The following BLOC1S1 variants were observed in gnomAD, a reference collection of about 807,000 sequenced individuals.
The protein encoded by BLOC1S1 is biogenesis of lysosome-related organelles complex 1 subunit 1.
A neutral mutation model predicts 19.0 loss-of-function variants in BLOC1S1; 11 were observed. The ratio of observed to expected loss-of-function variants is 0.58; its 90% CI spans 0.37 to 0.96. The LOEUF is 0.96. Ranked by LOEUF, BLOC1S1 falls within the 40% of genes least tolerant of loss-of-function variation. The pLI, the probability that BLOC1S1 is intolerant of heterozygous loss-of-function variation, is 0.01. For synonymous variants in BLOC1S1, 94 were observed against 76.4 expected (o/e 1.23, Z -1.20); for missense variants, 220 against 195.9 (o/e 1.12, Z -0.73).
At chr12:55,716,768 A>G (rs1876576438) in intron 1 of BLOC1S1, 165 bp from the exon 2 acceptor site, 14 of 1,271,986 alleles carry the variant, frequency 1.1e-5, no homozygotes, top group Non-Finnish European at 1.4e-5. Context: ...CTAAAATGAA[A>G]GAGGTTGCGC....
Position 55,719,095 on chromosome 12 carries a change from G to A in BLOC1S1, c.223G>A (p.Ala75Thr). 1.9e-6 allele frequency: 3 copies of A among 1,613,794 alleles called. No individual in the cohort carries two copies. The highest frequency in any genetic ancestry group is 2.5e-6 in the Non-Finnish European group (3 of 1,179,924). ...ALVDHLNVGV[A>T]QAYMNQRKLD... ...CTCCCTCCTCCAACCCCCCAGTGTG[G>A]CCCAGGCCTACATGAACCAGAGAAA... The change falls in exon 3 of 4, where the codon GCC becomes ACC. Residue 75 changes from alanine to threonine, a missense_variant. Ala to Thr is a moderately conservative substitution (Grantham distance 58, BLOSUM62 0). Coordinates refer to ENST00000548925, the MANE Select transcript of BLOC1S1 (RefSeq NM_001487.4).
Position 55,716,088 on chromosome 12 carries a change from C to T in BLOC1S1, c.37C>T (p.Arg13Trp), listed in dbSNP as rs533860678. 10 of 1,583,888 alleles carry T rather than the reference C, an allele frequency of 6.3e-6. No individual in the cohort carries two copies. The Admixed American group carries it at 1.1e-4, about 17-fold the overall frequency. Residue 13 changes from arginine (R) to tryptophan (W), a missense_variant, in exon 1 of 4, where the codon CGG becomes TGG. Coordinates refer to ENST00000548925, the MANE Select transcript of BLOC1S1 (RefSeq NM_001487.4). ...PGSRGERSSF[R>W]SRRGPGVPSP... ...GAGCCGAGGTGAGCGTTCCAGCTTC[C>T]GGAGCCGGAGGGGGCCCGGCGTACC...
intron 2 of BLOC1S1, among the ~76,000 whole-genome samples, chr12:55,717,826 C>G (rs972251474): frequency 6.6e-6 from 1 of 152,210 alleles, no homozygotes; most frequent in African/African-American, 2.4e-5. Flanking sequence ...CCAGGCAGCT[C>G]TCTTTACTCA....
chr12:55,717,690 G>A (rs1413213296), intron 2 of BLOC1S1, among the ~76,000 whole-genome samples: 2 of 152,198 alleles, frequency 1.3e-5, no homozygotes, highest in Admixed American at 6.5e-5. Flanking sequence ...AGAACAGCTC[G>A]GTGTGAATCC....
chr12:55,719,294 AG>A, intron 3 of BLOC1S1, 71 bp downstream of exon 3: 1 of 1,608,858 alleles, frequency 6.2e-7, no homozygotes, highest in Non-Finnish European at 8.5e-7. Flanking sequence ...AGGTTACCTC[AG>A]GTTTAGGTTA....
At position 55,719,631 on chromosome 12, in the gene BLOC1S1, C is replaced by T; in HGVS notation, c.*22C>T. The T allele has an allele frequency of 6.3e-7, 1 of 1,597,600 alleles. No individual in the cohort carries two copies. Among genetic ancestry groups the T allele is most frequent in the Middle Eastern group, 1.7e-4 (1 of 5,848 alleles). ...CTAGCCCCTGTTCCCTCCCCCAACC[C>T]TATCCCTCCTACCTCACCCGCAGGG... On this transcript the variant is annotated 3_prime_UTR_variant, in exon 4 of 4. Coordinates refer to ENST00000548925, the MANE Select transcript of BLOC1S1 (RefSeq NM_001487.4).
At chr12:55,719,029 T>C in intron 2 of BLOC1S1, 62 bp from the exon 3 acceptor site, 2 of 1,569,738 alleles carry the variant, frequency 1.3e-6, no homozygotes, top group East Asian at 2.3e-5. Context: ...CAATGGAATA[T>C]TAGTCCCGGA....
chr12:55,716,350 G>T, intron 1 of BLOC1S1, 154 bp downstream of exon 1: 1 of 1,469,400 alleles, frequency 6.8e-7, no homozygotes, highest in South Asian at 1.4e-5. Flanking sequence ...GGCTTTTTTT[G>T]AAACTCCTTT....
intron 2 of BLOC1S1, among the ~76,000 whole-genome samples, chr12:55,717,696 A>G (rs953303780): frequency 5.3e-5 from 8 of 152,188 alleles, no homozygotes; most frequent in Admixed American, 3.3e-4. Context: ...GCTCGGTGTG[A>G]ATCCAGAGAC....
At position 55,716,057 on chromosome 12, in the gene BLOC1S1, C is replaced by A. The variant is rs764629828; in HGVS notation, c.6C>A (p.Ala2=). The A allele has an allele frequency of 5.1e-6, 8 of 1,557,588 alleles. No homozygotes were observed. The highest frequency in any genetic ancestry group is 6.1e-6 in the Non-Finnish European group (7 of 1,151,954). The change falls in exon 1 of 4, where the codon GCC becomes GCA. Residue 2 remains alanine, a synonymous_variant. Transcript: ENST00000548925. ...TGACACAGCGGTCACGTGACATGGC[C>A]CCGGGGAGCCGAGGTGAGCGTTCCA... M[A]PGSRGERSSF...
At chr12:55,718,518 T>TGTGTG (rs1565652869) in intron 2 of BLOC1S1, among the ~76,000 whole-genome samples, 5 of 125,358 alleles carry the variant, frequency 4.0e-5, no homozygotes, top group African/African-American at 1.7e-4. Flanking sequence ...GTGTGTGTGT[T>TGTGTG]TGTGTGTGTT....
Position 55,717,011 on chromosome 12 carries a change from GACCTCTTATCAAC to G in BLOC1S1, c.218+8_218+20del. ...GTGGATCACCTCAATGTGGGGTATG[GACCTCTTATCAAC>G]ATCAGTTTCCTCCTTCCCCACCCCG... On this transcript the variant is annotated splice_region_variant and intron_variant, in intron 2 of 3. Coordinates refer to ENST00000548925, the MANE Select transcript of BLOC1S1 (RefSeq NM_001487.4). 1 of 1,577,990 alleles carries G rather than the reference GACCTCTTATCAAC, an allele frequency of 6.3e-7. No individual in the cohort carries two copies. The highest frequency in any genetic ancestry group is 8.6e-7 in the Non-Finnish European group (1 of 1,164,542).
chr12:55,717,095 A>G (rs560408968), intron 2 of BLOC1S1, 90 bp downstream of exon 2: 2 of 1,089,676 alleles, frequency 1.8e-6, no homozygotes, highest in African/African-American at 3.3e-5. Context: ...TAGCTGTTGA[A>G]GGGGTGGGAT....
At chr12:55,718,518 T>TC (rs1565652869) in intron 2 of BLOC1S1, among the ~76,000 whole-genome samples, 1 of 125,312 alleles carries the variant, frequency 8.0e-6, no homozygotes, top group African/African-American at 3.5e-5. Flanking sequence ...GTGTGTGTGT[T>TC]TGTGTGTGTT....
chr12:55,716,105 C>G lies in BLOC1S1; in HGVS notation c.54C>G (p.Pro18=). Residue 18 remains proline (P), a synonymous_variant, in exon 1 of 4, where the codon CCC becomes CCG. Coordinates refer to ENST00000548925, the MANE Select transcript of BLOC1S1 (RefSeq NM_001487.4). ...CCAGCTTCCGGAGCCGGAGGGGGCC[C>G]GGCGTACCCAGCCCCCAGCCCGACG... ...ERSSFRSRRG[P]GVPSPQPDVT... is the part of the protein sequence containing the mutation. The G allele has an allele frequency of 6.2e-7, 1 of 1,601,272 alleles. No individual in the cohort carries two copies. The highest frequency in any genetic ancestry group is 8.5e-7 in the Non-Finnish European group (1 of 1,174,354).
chr12:55,716,714 CTGAG>C (rs2136131751), intron 1 of BLOC1S1: 1 of 1,306,270 alleles, frequency 7.7e-7, no homozygotes, highest in East Asian at 3.3e-5. Context: ...CCTGGCGTCC[CTGAG>C]TGAGTCCATT....
In BLOC1S1 at chr12:55,716,926, T is replaced by C. The variant is rs750034812; in HGVS notation, c.146-7T>C. The C allele has an allele frequency of 1.8e-5, 28 of 1,579,726 alleles. No homozygotes were observed. Among genetic ancestry groups the C allele is most frequent in the Non-Finnish European group, 2.1e-5 (25 of 1,166,626 alleles). ...TCCCCTCCAATTCCTTTTCCCCCTCTCCCCAGAAAAGAGGAGGCGAGAGGC... is the reference window on the plus strand; with the variant it reads ...TCCCCTCCAATTCCTTTTCCCCCTCCCCCCAGAAAAGAGGAGGCGAGAGGC... On this transcript the variant is annotated splice_polypyrimidine_tract_variant and splice_region_variant and intron_variant, in intron 1 of 3. Coordinates refer to ENST00000548925, the MANE Select transcript of BLOC1S1 (RefSeq NM_001487.4).
chr12:55,718,160 C>T lies in BLOC1S1; in HGVS notation c.219-931C>T, dbSNP rs116616155. Among the ~76,000 whole-genome samples the T allele has an allele frequency of 6.2e-3, 949 of 152,300 alleles. 10 individuals are homozygous for T. Among genetic ancestry groups the T allele is most frequent in the African/African-American group, 0.022 (904 of 41,548 alleles). ...GCTGCCCACGCCTCCTCTCATTCCC[C>T]GGAAAGGAAAACAAAGGCTCAGTCT... On this transcript the variant is annotated intron_variant, in intron 2 of 3. Transcript: ENST00000548925.
chr12:55,717,922 C>T (rs1347009361), intron 2 of BLOC1S1, among the ~76,000 whole-genome samples: 1 of 152,190 alleles, frequency 6.6e-6, no homozygotes, highest in East Asian at 1.9e-4. Context: ...CTACCCGACC[C>T]TTGACAGTGA....
Sources: gnomAD v4.1 joint callset for allele counts (sites outside exome capture counted in the v4.1 genomes callset) on GRCh38, gnomAD v4.1.1 for gene constraint, MANE v1.5 for transcripts, NCBI Gene and HGNC (gene_info 2026-07-23, HGNC 2026-07-21) for gene names.